SHANK2: variants seen among roughly 807,000 people sequenced by gnomAD.
SHANK2 encodes the protein SH3 and multiple ankyrin repeat domains protein 2.
A neutral mutation model predicts 133.7 loss-of-function variants in SHANK2; 43 were observed. The ratio of observed to expected loss-of-function variants is 0.32; its 90% CI spans 0.25 to 0.41. SHANK2 has a LOEUF of 0.41. SHANK2 is among the 10% of genes least tolerant of loss of function. The probability of loss-of-function intolerance (pLI) is 1.00; values close to 1 mark genes in which losing one functional copy is unlikely to be tolerated. For missense variants in SHANK2, 1,994 were observed against 2,235.8 expected (o/e 0.89, Z 2.18); for synonymous variants, 1,017 against 952.8 (o/e 1.07, Z -1.24).
intron 2 of SHANK2, among the ~76,000 whole-genome samples, chr11:71,210,886 G>A (rs1250239335): frequency 3.3e-5 from 5 of 152,172 alleles, no homozygotes; most frequent in Non-Finnish European, 7.3e-5. Context: ...GTGTGATGCA[G>A]CGCCGGCACT....
At chr11:70,852,550 A>T (rs1346841713) in intron 11 of SHANK2, among the ~76,000 whole-genome samples, 1 of 152,194 alleles carries the variant, frequency 6.6e-6, no homozygotes, top group Non-Finnish European at 1.5e-5. Flanking sequence ...TGTGTTCCTC[A>T]AGATCCATGA....
chr11:71,250,320 G>T (rs2135843715), intron 1 of SHANK2, among the ~76,000 whole-genome samples: 1 of 152,302 alleles, frequency 6.6e-6, no homozygotes, highest in African/African-American at 2.4e-5. Context: ...AGGAATTCCT[G>T]GGTGTAATAA....
At chr11:70,879,476 T>A (rs1172505659) in intron 11 of SHANK2, among the ~76,000 whole-genome samples, 1 of 152,172 alleles carries the variant, frequency 6.6e-6, no homozygotes, top group Non-Finnish European at 1.5e-5. Context: ...GAGGTTGTTA[T>A]CTGTGGTGGC....
intron 10 of SHANK2, among the ~76,000 whole-genome samples, chr11:70,933,574 C>G (rs1414720596): frequency 1.3e-5 from 2 of 152,100 alleles, no homozygotes; most frequent in African/African-American, 4.8e-5. Context: ...TCTTGAAAAC[C>G]AGGAAGATCT....
At chr11:71,078,779 ACC>A (rs1951253765) in intron 8 of SHANK2, among the ~76,000 whole-genome samples, 1 of 152,232 alleles carries the variant, frequency 6.6e-6, no homozygotes, top group African/African-American at 2.4e-5. Flanking sequence ...TTCCTGCAGA[ACC>A]TGCCCCATAA....
At position 70,472,482 on chromosome 11, in the gene SHANK2, G is replaced by A. The variant is rs996957077; in HGVS notation, c.*387C>T. On this transcript the variant is annotated 3_prime_UTR_variant, in exon 26 of 26. Transcript: ENST00000601538. The surrounding 1 kb of genome is among the most constrained non-coding windows in gnomAD (Gnocchi z 4.4). ...GAGAGCTGCCCGGAAAGCAGAGGAC[G>A]GAGGTCTCAGGAGGTATCTAGAGTG... The A allele has an allele frequency of 1.4e-5, 4 of 295,098 alleles. No homozygotes were observed. Among genetic ancestry groups the A allele is most frequent in the Admixed American group, 4.8e-5 (1 of 20,912 alleles). The allele number at this position is 295,098 out of a possible 1,614,324, so 18.3% of individuals were successfully genotyped here.
chr11:70,492,249 T>G, intron 22 of SHANK2, 86 bp downstream of exon 22: 1 of 1,576,108 alleles, frequency 6.3e-7, no homozygotes, highest in Non-Finnish European at 8.6e-7. Context: ...CATGAAAGCG[T>G]GTGCACCTCA....
intron 14 of SHANK2, among the ~76,000 whole-genome samples, chr11:70,719,487 T>C (rs1946029460): frequency 6.6e-6 from 1 of 152,150 alleles, no homozygotes; most frequent in African/African-American, 2.4e-5. Flanking sequence ...TGGCAGATGC[T>C]GAACCTAACC....
intron 14 of SHANK2, among the ~76,000 whole-genome samples, chr11:70,730,564 C>T (rs1555031913): frequency 6.6e-6 from 1 of 152,214 alleles, no homozygotes; most frequent in African/African-American, 2.4e-5. Context: ...CCAGCACTGT[C>T]CTCAGAGCTG....
At chr11:71,152,420 T>C (rs1409472038) in intron 2 of SHANK2, among the ~76,000 whole-genome samples, 3 of 152,118 alleles carry the variant, frequency 2.0e-5, no homozygotes, top group Non-Finnish European at 2.9e-5. Context: ...GGCCAGAAAT[T>C]CACTGTTTTT....
chr11:70,734,041 G>C (rs1456986094), intron 14 of SHANK2, among the ~76,000 whole-genome samples: 1 of 152,158 alleles, frequency 6.6e-6, no homozygotes, highest in African/African-American at 2.4e-5. Context: ...GCAGTGACTG[G>C]GGAGAGGGGA....
chr11:70,504,406 A>T (rs782706342), intron 17 of SHANK2, among the ~76,000 whole-genome samples: 2 of 127,314 alleles, frequency 1.6e-5, no homozygotes, highest in Admixed American at 8.4e-5. Flanking sequence ...GTCACCTACG[A>T]GACGGCTGCA....
chr11:71,235,120 G>A (rs1186161913), intron 1 of SHANK2, among the ~76,000 whole-genome samples: 2 of 152,086 alleles, frequency 1.3e-5, no homozygotes, highest in East Asian at 1.9e-4. Flanking sequence ...AGAATTTCCT[G>A]AGTAGCAGAA....
At chr11:70,677,366 G>A (rs1410213244) in intron 15 of SHANK2, among the ~76,000 whole-genome samples, 2 of 152,182 alleles carry the variant, frequency 1.3e-5, no homozygotes, top group Admixed American at 6.5e-5. Flanking sequence ...GATTCAGCAC[G>A]TGGTGCCGAG....
intron 12 of SHANK2, among the ~76,000 whole-genome samples, chr11:70,817,313 G>A (rs1413259740): frequency 4.6e-5 from 7 of 152,226 alleles, no homozygotes; most frequent in Admixed American, 1.3e-4. Flanking sequence ...CTACAGCACA[G>A]CTATTGCTAC....
intron 17 of SHANK2, among the ~76,000 whole-genome samples, chr11:70,541,205 G>C (rs149609589): frequency 2.0e-5 from 3 of 152,124 alleles, no homozygotes; most frequent in African/African-American, 7.2e-5. Flanking sequence ...CTCCCTGATC[G>C]GGATACACCA....
intron 14 of SHANK2, among the ~76,000 whole-genome samples, chr11:70,770,986 G>A (rs1555042650): frequency 1.5e-5 from 2 of 132,304 alleles, no homozygotes; most frequent in Admixed American, 8.6e-5. Flanking sequence ...ATGCAGTGGT[G>A]CAATCTTGGT....
chr11:71,111,744 T>C (rs1332477375), intron 5 of SHANK2, among the ~76,000 whole-genome samples: 4 of 152,232 alleles, frequency 2.6e-5, no homozygotes, highest in Non-Finnish European at 5.9e-5. Flanking sequence ...CTCAAACACA[T>C]GACTTACACA....
At chr11:70,658,242 C>G (rs868934176) in intron 17 of SHANK2, among the ~76,000 whole-genome samples, 12 of 71,094 alleles carry the variant, frequency 1.7e-4, no homozygotes, top group African/African-American at 4.7e-4. Context: ...CACACACACA[C>G]ACAGACACAC....
Sources: gnomAD v4.1 joint callset for allele counts (sites outside exome capture counted in the v4.1 genomes callset) on GRCh38, gnomAD v4.1.1 for gene constraint, Gnocchi (gnomAD v3.1) non-coding constraint, MANE v1.5 for transcripts, NCBI Gene and HGNC (gene_info 2026-07-23, HGNC 2026-07-21) for gene names.